Variants in WASHC3 observed in about 807,000 individuals in gnomAD.
WASHC3 encodes the protein WASH complex subunit CCDC53.
In WASHC3, 24 loss-of-function variants were observed where a neutral mutation model predicts 26.1. That is an observed-to-expected ratio of 0.92 (90% CI 0.66 to 1.29). The LOEUF is 1.29. WASHC3 is among the 50% of genes most tolerant of loss of function. WASHC3 has a pLI of 0.00. For missense variants in WASHC3, 214 were observed against 229.6 expected (o/e 0.93, Z 0.44); for synonymous variants, 77 against 75.7 (o/e 1.02, Z -0.09).
Position 102,061,387 on chromosome 12 carries a change from C to G in WASHC3, c.52-41G>C, listed in dbSNP as rs745639304. The stretch of plus-strand genomic sequence containing the variant: ...ACAAACATGGTTCATACAGGAGGAA[C>G]GTACACAGTGCAAATCTTTTCATAT... On this transcript the variant is annotated intron_variant, in intron 1 of 6. Transcript: ENST00000240079. The G allele has an allele frequency of 5.3e-5, 68 of 1,281,346 alleles. 1 individual carries two copies. The highest frequency in any genetic ancestry group is 7.2e-5 in the Non-Finnish European group (63 of 880,084). 79.4% of individuals were successfully genotyped at this position (1,281,346 alleles called of 1,614,324 possible).
intron 2 of WASHC3, among the ~76,000 whole-genome samples, chr12:102,047,907 T>C (rs1425398792): frequency 6.6e-6 from 1 of 152,222 alleles, no homozygotes; most frequent in Admixed American, 6.5e-5. Flanking sequence ...GTAGGAACTA[T>C]TATGCCAATT....
Position 102,049,581 on chromosome 12 carries a change from A to G in WASHC3, c.151-3462T>C, listed in dbSNP as rs1216040932. Among the ~76,000 whole-genome samples, 4 of 152,348 alleles carry G rather than the reference A, an allele frequency of 2.6e-5. No individual in the cohort carries two copies. The East Asian group carries it at 7.7e-4, about 29-fold the overall frequency. ...AAGTTAAAAAAAAAAGGACAAAAGA[A>G]AGAAGGAAATATGGAGTTACTAGTT... On this transcript the variant is annotated intron_variant, in intron 2 of 6. Coordinates refer to ENST00000240079, the MANE Select transcript of WASHC3 (RefSeq NM_016053.4).
At chr12:102,040,742 C>T (rs1483130235) in intron 4 of WASHC3, among the ~76,000 whole-genome samples, 3 of 151,954 alleles carry the variant, frequency 2.0e-5, no homozygotes, top group African/African-American at 4.8e-5. Flanking sequence ...GAACCATATC[C>T]TTGCTTAAAT....
chr12:102,033,993 T>C (rs2121380862), intron 5 of WASHC3, among the ~76,000 whole-genome samples: 1 of 152,202 alleles, frequency 6.6e-6, no homozygotes, highest in East Asian at 1.9e-4. Context: ...TAGTCACCCC[T>C]AAAGTTGAGA....
chr12:102,039,707 T>A (rs1329756813), intron 5 of WASHC3, among the ~76,000 whole-genome samples, 161 bp downstream of exon 5: 1 of 152,134 alleles, frequency 6.6e-6, no homozygotes, highest in African/African-American at 2.4e-5. Context: ...CCTTTTTTTT[T>A]TTTAATCAGA....
chr12:102,048,893 C>T (rs1555203127), intron 2 of WASHC3, among the ~76,000 whole-genome samples: 1 of 152,172 alleles, frequency 6.6e-6, no homozygotes, highest in Non-Finnish European at 1.5e-5. Flanking sequence ...GAAAGAACTA[C>T]TTTTCAAAGA....
chr12:102,057,078 CA>C (rs2136692883), intron 2 of WASHC3, among the ~76,000 whole-genome samples: 1 of 152,212 alleles, frequency 6.6e-6, no homozygotes, highest in Admixed American at 6.5e-5. Flanking sequence ...AGGATCAAGT[CA>C]GATTTATCCC....
At chr12:102,046,835 C>T (rs2136677028) in intron 2 of WASHC3, among the ~76,000 whole-genome samples, 1 of 152,148 alleles carries the variant, frequency 6.6e-6, no homozygotes, top group African/African-American at 2.4e-5. Context: ...AAAAATTATT[C>T]AAAGACACGC....
chr12:102,032,133 T>TGGA (rs1877463460), intron 5 of WASHC3, among the ~76,000 whole-genome samples: 1 of 152,164 alleles, frequency 6.6e-6, no homozygotes, highest in Non-Finnish European at 1.5e-5. Flanking sequence ...TAGAAGCTCC[T>TGGA]CATCCTTAGG....
At chr12:102,052,249 T>C (rs189243776) in intron 2 of WASHC3, among the ~76,000 whole-genome samples, 14 of 152,316 alleles carry the variant, frequency 9.2e-5, no homozygotes, top group African/African-American at 3.4e-4. Flanking sequence ...CAGCACAGCA[T>C]GGAGAGAGAT....
At chr12:102,035,399 C>T (rs1366593228) in intron 5 of WASHC3, among the ~76,000 whole-genome samples, 1 of 152,158 alleles carries the variant, frequency 6.6e-6, no homozygotes, top group Non-Finnish European at 1.5e-5. Flanking sequence ...GTGTAGCCTA[C>T]ATCTGTTGTT....
intron 6 of WASHC3, among the ~76,000 whole-genome samples, chr12:102,014,736 T>A (rs1437314528): frequency 1.3e-5 from 2 of 152,172 alleles, no homozygotes; most frequent in Non-Finnish European, 2.9e-5. Context: ...TGACTGATGC[T>A]CCATCTGCCT....
At chr12:102,060,021 A>G (rs577577592) in intron 2 of WASHC3, among the ~76,000 whole-genome samples, 5 of 152,354 alleles carry the variant, frequency 3.3e-5, no homozygotes, top group African/African-American at 4.8e-5. Context: ...TAATTAGACA[A>G]AACAATAACT....
chr12:102,048,585 G>T (rs1016867705), intron 2 of WASHC3, among the ~76,000 whole-genome samples: 6 of 150,706 alleles, frequency 4.0e-5, no homozygotes, highest in African/African-American at 1.2e-4. Flanking sequence ...AAAAGAAAAA[G>T]AAAAAAAATC....
intron 5 of WASHC3, among the ~76,000 whole-genome samples, chr12:102,027,987 G>A (rs769300161): frequency 4.6e-5 from 7 of 152,022 alleles, no homozygotes; most frequent in Admixed American, 6.6e-5. Context: ...ATTGTTCCAT[G>A]AGGCAATTTT....
At position 102,021,991 on chromosome 12, in the gene WASHC3, T is replaced by C. The variant is rs557917333; in HGVS notation, c.500+3983A>G. Among the ~76,000 whole-genome samples, 15 of 152,324 alleles carry C rather than the reference T, an allele frequency of 9.8e-5. 1 individual carries two copies. In the South Asian group the frequency reaches 3.1e-3, roughly 32 times the overall value. On this transcript the variant is annotated intron_variant, in intron 6 of 6. Transcript: ENST00000240079. Reference sequence around the variant, plus strand: ...GAGGATGGTATAAATGTCTTTTGGATAGATATATCCAGGAGAAATGCCAAC... The same window carrying C: ...GAGGATGGTATAAATGTCTTTTGGACAGATATATCCAGGAGAAATGCCAAC...
chr12:102,061,759 TG>T (rs780844874), intron 1 of WASHC3, among the ~76,000 whole-genome samples, 152 bp downstream of exon 1: 5 of 152,154 alleles, frequency 3.3e-5, no homozygotes, highest in Non-Finnish European at 5.9e-5. Flanking sequence ...AGGTGGACTG[TG>T]GGGCTCTCCC....
intron 2 of WASHC3, among the ~76,000 whole-genome samples, chr12:102,047,937 G>A (rs1594367299): frequency 1.3e-5 from 2 of 152,106 alleles, no homozygotes; most frequent in East Asian, 3.9e-4. Flanking sequence ...AGAAAATTGA[G>A]TCTCATACAA....
At chr12:102,027,408 C>T (rs1337986944) in intron 5 of WASHC3, among the ~76,000 whole-genome samples, 1 of 152,058 alleles carries the variant, frequency 6.6e-6, no homozygotes, top group Admixed American at 6.6e-5. Context: ...AGTTTAAGTC[C>T]AGGCATGCAT....
Sources: allele counts gnomAD v4.1 joint callset (sites outside exome capture counted in the v4.1 genomes callset), GRCh38; gene constraint gnomAD v4.1.1; transcripts MANE v1.5; gene names NCBI Gene and HGNC (gene_info 2026-07-23, HGNC 2026-07-21).